SNTG1: variants seen among roughly 807,000 people sequenced by gnomAD.
SNTG1 encodes the protein gamma-1-syntrophin.
SNTG1 carries 39 observed loss-of-function variants against 74.7 expected under a neutral mutation model. That is an observed-to-expected ratio of 0.52 (90% confidence interval 0.40 to 0.68). SNTG1 has a LOEUF of 0.68. SNTG1 is among the 30% of genes least tolerant of loss of function. The pLI is 0.00. For synonymous variants in SNTG1, 254 were observed against 217.1 expected, an observed-to-expected ratio of 1.17 and a Z score of -1.49; for missense variants, 685 against 609.5, an observed-to-expected ratio of 1.12 and a Z score of -1.30.
At chr8:50,718,040 T>C (rs1270819618) in intron 17 of SNTG1, among the ~76,000 whole-genome samples, 1 of 152,092 alleles carries the variant, frequency 6.6e-6, no homozygotes, top group South Asian at 2.1e-4. Flanking sequence ...CCAATGAAGA[T>C]TGATGTTGAA....
chr8:49,919,227 G>A (rs1053566336), intron 1 of SNTG1, among the ~76,000 whole-genome samples: 1 of 152,074 alleles, frequency 6.6e-6, no homozygotes, highest in Non-Finnish European at 1.5e-5. Context: ...AATAGTTCCA[G>A]TAGATGTACT....
chr8:50,728,003 C>T (rs1481889513), intron 17 of SNTG1, among the ~76,000 whole-genome samples: 2 of 152,136 alleles, frequency 1.3e-5, no homozygotes, highest in Non-Finnish European at 2.9e-5. Context: ...TGGCTTATGG[C>T]CTCCACTTGC....
chr8:50,442,123 C>A (rs2093363286), intron 5 of SNTG1, among the ~76,000 whole-genome samples: 1 of 152,196 alleles, frequency 6.6e-6, no homozygotes, highest in South Asian at 2.1e-4. Context: ...CCCCATCTCC[C>A]AGTTTTGATG....
rs2095699958 is a variant in SNTG1 at position 50,794,479 on chromosome 8, A to G, written c.*1650A>G. On this transcript the variant is annotated 3_prime_UTR_variant, in exon 19 of 19. Transcript: ENST00000642720. ...AGAACTGTGGCAAATTACAATAAAC[A>G]GTTTCAGTGTAATGTATTTTGACCG... is the stretch of plus-strand genomic sequence containing the variant. 6.6e-6 allele frequency: 1 copy of G among 152,040 alleles called. No homozygotes were observed. Among genetic ancestry groups the G allele is most frequent in the Non-Finnish European group, 1.5e-5 (1 of 67,946 alleles). 9.4% of individuals were successfully genotyped at this position (152,040 alleles called of 1,614,324 possible). A position where few individuals can be genotyped will look rare whatever the true frequency, so the allele number is the denominator to read the frequency against.
intron 1 of SNTG1, among the ~76,000 whole-genome samples, chr8:50,060,633 C>T (rs1820390828): frequency 6.6e-6 from 1 of 152,042 alleles, no homozygotes; most frequent in Admixed American, 6.6e-5. Flanking sequence ...ACATCTCTCC[C>T]TGCCTCTGAT....
intron 12 of SNTG1, among the ~76,000 whole-genome samples, chr8:50,589,039 A>T (rs931090584): frequency 6.6e-6 from 1 of 151,996 alleles, no homozygotes; most frequent in East Asian, 1.9e-4. Flanking sequence ...CTAATTTCTG[A>T]TACAGATATT....
At chr8:50,361,204 A>G (rs1349141312) in intron 2 of SNTG1, among the ~76,000 whole-genome samples, 1 of 152,146 alleles carries the variant, frequency 6.6e-6, no homozygotes, top group African/African-American at 2.4e-5. Context: ...CTAGGCCTGC[A>G]CAGGGTCAGA....
At chr8:50,040,047 G>A (rs1818504672) in intron 1 of SNTG1, among the ~76,000 whole-genome samples, 1 of 152,152 alleles carries the variant, frequency 6.6e-6, no homozygotes, top group Non-Finnish European at 1.5e-5. Flanking sequence ...GAACTAAGAT[G>A]AGTCATGTTG....
chr8:50,307,249 T>G (rs1232970833), intron 2 of SNTG1, among the ~76,000 whole-genome samples: 4 of 152,086 alleles, frequency 2.6e-5, no homozygotes, highest in Non-Finnish European at 4.4e-5. Context: ...AGGAGACTAA[T>G]GGGTCTTAGG....
intron 4 of SNTG1, among the ~76,000 whole-genome samples, chr8:50,432,338 CTT>C (rs199626412): frequency 6.8e-6 from 1 of 146,286 alleles, no homozygotes; most frequent in East Asian, 2.0e-4. Context: ...TTTTTGTTTC[CTT>C]TTTTTTTTGG....
chr8:50,138,986 A>G (rs971464643), intron 1 of SNTG1, among the ~76,000 whole-genome samples: 2 of 152,098 alleles, frequency 1.3e-5, no homozygotes, highest in African/African-American at 4.8e-5. Context: ...ATAACAGAAA[A>G]ACAGTGGGAA....
At chr8:50,437,145 A>C (rs557494308) in intron 4 of SNTG1, among the ~76,000 whole-genome samples, 1 of 152,276 alleles carries the variant, frequency 6.6e-6, no homozygotes, top group East Asian at 1.9e-4. Flanking sequence ...GTATTTTTGA[A>C]ATAGATGAAA....
intron 1 of SNTG1, among the ~76,000 whole-genome samples, chr8:49,994,699 A>T (rs1814037716): frequency 6.7e-6 from 1 of 150,204 alleles, no homozygotes; most frequent in Non-Finnish European, 1.5e-5. Flanking sequence ...GACTATAGCT[A>T]CTCATTTTTT....
chr8:50,153,508 C>A (rs1363154188), intron 1 of SNTG1, among the ~76,000 whole-genome samples: 1 of 152,108 alleles, frequency 6.6e-6, no homozygotes, highest in Non-Finnish European at 1.5e-5. Flanking sequence ...CTTTTCTGCT[C>A]TGTTTTTTCC....
intron 1 of SNTG1, among the ~76,000 whole-genome samples, chr8:50,008,532 GGATA>G (rs1200257559): frequency 1.3e-5 from 2 of 152,052 alleles, no homozygotes; most frequent in African/African-American, 4.8e-5. Flanking sequence ...GCACATGGAT[GGATA>G]GATGGATGGA....
chr8:50,587,565 C>A (rs1017713193), intron 12 of SNTG1, among the ~76,000 whole-genome samples: 5 of 152,192 alleles, frequency 3.3e-5, no homozygotes, highest in African/African-American at 1.2e-4. Flanking sequence ...TGGCTCACGC[C>A]TGAAATCCCA....
At chr8:50,221,796 T>A (rs1231252933) in intron 2 of SNTG1, among the ~76,000 whole-genome samples, 2 of 152,142 alleles carry the variant, frequency 1.3e-5, no homozygotes, top group African/African-American at 4.8e-5. Context: ...ATGCAACAGG[T>A]TCCTTTTGCC....
intron 9 of SNTG1, among the ~76,000 whole-genome samples, chr8:50,509,274 G>T (rs1465056169): frequency 2.0e-5 from 3 of 152,096 alleles, no homozygotes; most frequent in South Asian, 2.1e-4. Flanking sequence ...TGTTCCATTG[G>T]TCTCTATCTC....
intron 1 of SNTG1, among the ~76,000 whole-genome samples, chr8:49,963,653 T>C (rs977517452): frequency 6.6e-6 from 1 of 152,202 alleles, no homozygotes; most frequent in South Asian, 2.1e-4. Flanking sequence ...AGTCCAGTGC[T>C]AACAGGTTGA....
Sources: allele counts gnomAD v4.1 joint callset (sites outside exome capture counted in the v4.1 genomes callset), GRCh38; gene constraint gnomAD v4.1.1; transcripts MANE v1.5; gene names NCBI Gene and HGNC (gene_info 2026-07-23, HGNC 2026-07-21).